NR2C2: variants seen among roughly 807,000 people sequenced by gnomAD.
NR2C2 encodes Nuclear hormone receptor TR4.
NR2C2 carries 6 observed loss-of-function variants against 62.9 expected under a neutral mutation model. That is an observed-to-expected ratio of 0.10 (90% CI 0.05 to 0.19). The LOEUF (loss-of-function observed/expected upper bound fraction) is 0.19. Among genes scored for constraint, NR2C2 ranks in the 10% least tolerant of loss-of-function variants. The probability of loss-of-function intolerance (pLI) is 1.00; values close to 1 mark genes in which losing one functional copy is unlikely to be tolerated. For missense variants in NR2C2, 479 were observed against 762.7 expected (o/e 0.63, Z 4.38); for synonymous variants, 272 against 273.8 (o/e 0.99, Z 0.07).
At chr3:15,032,606 A>C in intron 10 of NR2C2, 106 bp downstream of exon 10, 1 of 1,376,222 alleles carries the variant, frequency 7.3e-7, no homozygotes, top group Non-Finnish European at 1.0e-6. Context: ...TGTTTCTATG[A>C]CCTCATTCAA....
At position 14,972,698 on chromosome 3, in the gene NR2C2, A is replaced by C. The variant is rs73145254; in HGVS notation, c.-40+24792A>C. Among the ~76,000 whole-genome samples, 4 of 152,128 alleles carry C rather than the reference A, an allele frequency of 2.6e-5. No homozygotes were observed. The South Asian group carries it at 6.2e-4, about 24-fold the overall frequency. ...GGTAATTTATAATGAAGAGAGGTTT[A>C]ATTGGCTCACGGTTCCACAGGCTGT... is the stretch of plus-strand genomic sequence containing the variant. On this transcript the variant is annotated intron_variant, in intron 1 of 13. Transcript: ENST00000425241.
At chr3:14,994,977 CTTTTTTTTTT>C (rs71038447) in intron 1 of NR2C2, among the ~76,000 whole-genome samples, 3 of 104,154 alleles carry the variant, frequency 2.9e-5, no homozygotes, top group African/African-American at 1.2e-4. Flanking sequence ...ATACAATTCA[CTTTTTTTTTT>C]TTTTTTTTTT....
At position 15,032,404 on chromosome 3, in the gene NR2C2, A is replaced by G; in HGVS notation, c.1136A>G (p.Glu379Gly). Residue 379 changes from glutamate (E) to glycine (G), a missense_variant, in exon 10 of 14, where the codon GAG (glutamate) becomes GGG (glycine). Around this residue, in one of 4 missense-constraint regions of NR2C2, gnomAD observed 162 missense variants for 296.8 expected, o/e 0.55. Transcript: ENST00000425241. ...FKLTMPSPMP[E>G]YLNVHYICES... ...CTAACAATGCCCAGTCCAATGCCAG[A>G]GTACCTCAACGTGCACTACATCTGT... 6.2e-7 allele frequency: 1 copy of G among 1,614,206 alleles called. No individual in the cohort carries two copies.
At chr3:15,002,247 T>G (rs2041027965) in intron 1 of NR2C2, among the ~76,000 whole-genome samples, 1 of 152,208 alleles carries the variant, frequency 6.6e-6, no homozygotes, top group Non-Finnish European at 1.5e-5. Context: ...TTGAGAACTT[T>G]CCTTTTATAT....
intron 1 of NR2C2, among the ~76,000 whole-genome samples, chr3:14,977,119 T>A (rs1365472547): frequency 6.6e-6 from 1 of 152,160 alleles, no homozygotes; most frequent in Non-Finnish European, 1.5e-5. Context: ...GGATTTTGGG[T>A]CTCTTGAACT....
chr3:14,998,118 A>C (rs1332513013), intron 1 of NR2C2, among the ~76,000 whole-genome samples: 1 of 152,238 alleles, frequency 6.6e-6, no homozygotes, highest in African/African-American at 2.4e-5. Context: ...TTTTATTGCC[A>C]AATAATACTC....
chr3:14,958,155 A>G (rs1489441424), intron 1 of NR2C2, among the ~76,000 whole-genome samples: 3 of 152,200 alleles, frequency 2.0e-5, no homozygotes, highest in African/African-American at 7.2e-5. Flanking sequence ...CTTTGCATAG[A>G]TACTTCAGTT....
intron 2 of NR2C2, among the ~76,000 whole-genome samples, chr3:15,010,845 A>G (rs531082033): frequency 1.3e-5 from 2 of 152,298 alleles, no homozygotes; most frequent in Admixed American, 6.5e-5. Context: ...CTCAACCACA[A>G]TGACTGGAGA....
At chr3:15,030,894 A>T (rs1360309874) in intron 9 of NR2C2, among the ~76,000 whole-genome samples, 2 of 152,234 alleles carry the variant, frequency 1.3e-5, no homozygotes, top group Non-Finnish European at 2.9e-5. Context: ...ATTTAACATT[A>T]TGACTTCAAA....
intron 1 of NR2C2, among the ~76,000 whole-genome samples, chr3:14,950,648 C>T (rs763257874): frequency 4.0e-5 from 6 of 149,680 alleles, no homozygotes; most frequent in Non-Finnish European, 8.9e-5. Context: ...TAATCTTTAT[C>T]TCACTTTATA....
At chr3:15,039,095 TGGGG>T in intron 12 of NR2C2, 23 bp from the exon 13 acceptor site, 1 of 1,442,734 alleles carries the variant, frequency 6.9e-7, no homozygotes, top group Non-Finnish European at 9.6e-7. Context: ...CAGAGGGAAC[TGGGG>T]GGGGGTACTT....
Position 15,030,318 on chromosome 3 carries a change from T to C in NR2C2, c.976T>C (p.Ser326Pro), listed in dbSNP as rs370861758. The change falls in exon 9 of 14, where the codon TCC (serine) becomes CCC (proline). Residue 326 changes from serine (S) to proline (P), a missense_variant. Transcript: ENST00000425241. The stretch of plus-strand genomic sequence containing the variant: ...TAAAGCACTTAATACCACAGACAGC[T>C]CCTCTTCTCCAAGCTTGGCAGATGG... ...LAKALNTTDSSSSPSLADGID... is the reference protein window; with the variant it reads ...LAKALNTTDSPSSPSLADGID... 16 of 1,612,392 alleles carry C rather than the reference T, an allele frequency of 9.9e-6. No homozygotes were observed. The highest frequency in any genetic ancestry group is 1.4e-5 in the Non-Finnish European group (16 of 1,179,564).
chr3:14,962,848 G>T (rs1033873321), intron 1 of NR2C2, among the ~76,000 whole-genome samples: 1 of 152,116 alleles, frequency 6.6e-6, no homozygotes, highest in African/African-American at 2.4e-5. Context: ...AGTAGAAGAC[G>T]TGATTATGTC....
chr3:14,990,577 T>C (rs1207406193), intron 1 of NR2C2, among the ~76,000 whole-genome samples: 2 of 152,178 alleles, frequency 1.3e-5, no homozygotes, highest in Admixed American at 6.5e-5. Context: ...TGAAAGCAAA[T>C]GCCTGTGAGT....
chr3:15,003,765 CA>C (rs2041087518), intron 1 of NR2C2, 110 bp from the exon 2 acceptor site: 2 of 674,032 alleles, frequency 3.0e-6, no homozygotes, highest in South Asian at 3.3e-5. Flanking sequence ...ACCTCAGAAC[CA>C]TACAAGTTCA....
intron 2 of NR2C2, among the ~76,000 whole-genome samples, chr3:15,009,223 A>C (rs1489158715): frequency 6.6e-6 from 1 of 152,254 alleles, no homozygotes; most frequent in African/African-American, 2.4e-5. Flanking sequence ...ACTCCGTCTC[A>C]AAAATAAATA....
In NR2C2 at chr3:14,978,630, A is replaced by G. The variant is rs114292243; in HGVS notation, c.-39-25246A>G. On this transcript the variant is annotated intron_variant, in intron 1 of 13. Coordinates refer to ENST00000425241, the MANE Select transcript of NR2C2 (RefSeq NM_001291694.2). ...GCAGGGTACCACATGTCTTGTTGCC[A>G]GTCTTTTTGTCCTTGCTTGTTTTAA... is the stretch of plus-strand genomic sequence containing the variant. 2.4e-3 allele frequency among the ~76,000 whole-genome samples: 368 copies of G among 152,224 alleles called. 2 individuals are homozygous for G. Among genetic ancestry groups the G allele is most frequent in the African/African-American group, 8.2e-3 (341 of 41,552 alleles).
At chr3:15,038,206 T>C (rs1167519339) in intron 12 of NR2C2, 69 bp downstream of exon 12, 11 of 1,478,050 alleles carry the variant, frequency 7.4e-6, no homozygotes, top group African/African-American at 1.4e-5. Context: ...AACGTGAACA[T>C]GTTGTCATCA....
rs376601970 is a variant in NR2C2, at chr3:15,028,655, T to G, written c.868T>G (p.Ser290Ala). The change falls in exon 8 of 14, where the codon TCT becomes GCT. Residue 290 changes from serine to alanine, a missense_variant. This residue lies in a region of NR2C2 where 151 missense variants were observed against 176.1 expected (regional missense o/e 0.86). Coordinates refer to ENST00000425241, the MANE Select transcript of NR2C2 (RefSeq NM_001291694.2). ...VVTSLANLSE[S>A]LNNGDTSEIQ... is the part of the protein sequence containing the mutation. ...GACCTCCCTTGCCAACCTAAGTGAA[T>G]CTTTGAACAACGGTGACACTTCAGA... The G allele has an allele frequency of 6.8e-6, 11 of 1,614,130 alleles. No homozygotes were observed. Among genetic ancestry groups the G allele is most frequent in the Non-Finnish European group, 9.3e-6 (11 of 1,180,004 alleles).
Sources: allele counts gnomAD v4.1 joint callset (sites outside exome capture counted in the v4.1 genomes callset), GRCh38; gene constraint gnomAD v4.1.1; regional missense constraint gnomAD v4.1.1; transcripts MANE v1.5; gene names NCBI Gene and HGNC (gene_info 2026-07-23, HGNC 2026-07-21).